ADGRL2: variants seen among roughly 807,000 people sequenced by gnomAD.
ADGRL2 encodes calcium-independent alpha-latrotoxin receptor 2.
A neutral mutation model predicts 157.4 loss-of-function variants in ADGRL2; 44 were observed. That is an observed-to-expected ratio of 0.28 (90% CI 0.22 to 0.36). The LOEUF (loss-of-function observed/expected upper bound fraction) is 0.36. ADGRL2 is among the 10% of genes least tolerant of loss of function. The pLI, the probability that ADGRL2 is intolerant of heterozygous loss-of-function variation, is 1.00. For synonymous variants in ADGRL2, 585 were observed against 624.7 expected (o/e 0.94, Z 0.95); for missense variants, 1,510 against 1,768.9 (o/e 0.85, Z 2.63).
intron 18 of ADGRL2, chr1:81,980,867 T>G: frequency 1.5e-6 from 1 of 651,596 alleles, no homozygotes. Context: ...ATTAACAAAT[T>G]TATGGCATGA....
intron 3 of ADGRL2, among the ~76,000 whole-genome samples, chr1:81,593,322 G>C (rs2081170332): frequency 6.6e-6 from 1 of 152,196 alleles, no homozygotes; most frequent in African/African-American, 2.4e-5. Context: ...AGCTGCTTCA[G>C]TTTCTATCCC....
At chr1:81,965,935 C>T (rs1656905769) in intron 11 of ADGRL2, 123 bp from the exon 12 acceptor site, 2 of 973,518 alleles carry the variant, frequency 2.1e-6, no homozygotes, top group South Asian at 2.2e-5. Context: ...TGAAACCTAA[C>T]AGTAAAATTT....
chr1:81,839,638 T>G (rs945626802), intron 2 of ADGRL2, among the ~76,000 whole-genome samples: 13 of 151,846 alleles, frequency 8.6e-5, no homozygotes, highest in African/African-American at 3.1e-4. Flanking sequence ...ATGTTTGGTT[T>G]TCTCTTCCTG....
chr1:81,422,873 C>T (rs1233167876), intron 1 of ADGRL2, among the ~76,000 whole-genome samples: 1 of 152,152 alleles, frequency 6.6e-6, no homozygotes, highest in Non-Finnish European at 1.5e-5. Context: ...TTGCTTTTGT[C>T]CCAAAACATA....
chr1:81,961,796 C>T (rs1277622958), intron 11 of ADGRL2, among the ~76,000 whole-genome samples: 1 of 152,116 alleles, frequency 6.6e-6, no homozygotes, highest in Non-Finnish European at 1.5e-5. Flanking sequence ...AGGCATGAGC[C>T]ACTGCACATG....
intron 2 of ADGRL2, among the ~76,000 whole-genome samples, chr1:81,468,462 G>T (rs2101851324): frequency 6.6e-6 from 1 of 152,264 alleles, no homozygotes; most frequent in South Asian, 2.1e-4. Flanking sequence ...CCCAACATTT[G>T]TCAGAATTTT....
chr1:81,372,661 G>C (rs763181370), intron 1 of ADGRL2, among the ~76,000 whole-genome samples: 14 of 152,152 alleles, frequency 9.2e-5, no homozygotes, highest in Non-Finnish European at 1.5e-4. Flanking sequence ...GTTAAAGTAC[G>C]AATTTTCTGT....
intron 1 of ADGRL2, among the ~76,000 whole-genome samples, chr1:81,341,636 T>C (rs1469099814): frequency 2.0e-5 from 3 of 152,138 alleles, no homozygotes; most frequent in Non-Finnish European, 4.4e-5. Context: ...CATTCTGATT[T>C]TTAAGCATTT....
At chr1:81,746,494 T>C (rs1461946826) in intron 1 of ADGRL2, among the ~76,000 whole-genome samples, 1 of 152,126 alleles carries the variant, frequency 6.6e-6, no homozygotes, top group African/African-American at 2.4e-5. Flanking sequence ...TTTACCATGT[T>C]GCCCAGGCTG....
chr1:81,876,089 T>A (rs1283323112), intron 2 of ADGRL2, among the ~76,000 whole-genome samples: 2 of 152,192 alleles, frequency 1.3e-5, no homozygotes, highest in Non-Finnish European at 2.9e-5. Flanking sequence ...TTACCAGAGT[T>A]ACCATATTTG....
chr1:81,502,472 A>T, intron 2 of ADGRL2: 1 of 1,614,028 alleles, frequency 6.2e-7, no homozygotes, highest in South Asian at 1.1e-5. Flanking sequence ...CTTTATGCAG[A>T]AGAGGCGGAC....
intron 1 of ADGRL2, among the ~76,000 whole-genome samples, chr1:81,832,070 A>G (rs1405370341): frequency 6.6e-6 from 1 of 152,172 alleles, no homozygotes; most frequent in Non-Finnish European, 1.5e-5. Context: ...CTTTTTCCCA[A>G]TTTGAGGTAA....
Position 81,333,608 on chromosome 1 carries a change from G to A in ADGRL2, c.-302+27099G>A, listed in dbSNP as rs150264340. Among the ~76,000 whole-genome samples, 1,103 of 151,886 alleles carry A rather than the reference G, an allele frequency of 7.3e-3. 13 individuals are homozygous for A. Among genetic ancestry groups the A allele is most frequent in the African/African-American group, 0.026 (1,057 of 41,406 alleles). Reference sequence around the variant, plus strand: ...TTTTTTGTATTTTTAGTAGAGACAGGTGTTTCACCATCTTGGCCAGGCTGG... The same window carrying A: ...TTTTTTGTATTTTTAGTAGAGACAGATGTTTCACCATCTTGGCCAGGCTGG... On this transcript the variant is annotated intron_variant, in intron 1 of 24. Coordinates refer to the ADGRL2 transcript ENST00000370721.
intron 2 of ADGRL2, among the ~76,000 whole-genome samples, chr1:81,905,462 C>T (rs537208722): frequency 1.3e-5 from 2 of 152,224 alleles, no homozygotes; most frequent in East Asian, 1.9e-4. Flanking sequence ...ATTATCAAAA[C>T]GGTAACACAC....
chr1:81,679,220 T>G (rs548318992), intron 3 of ADGRL2, among the ~76,000 whole-genome samples: 1 of 152,242 alleles, frequency 6.6e-6, no homozygotes, highest in African/African-American at 2.4e-5. Flanking sequence ...GAGGAGTCAG[T>G]GTTTCCATAA....
At chr1:81,741,673 T>A (rs1443423009) in intron 1 of ADGRL2, among the ~76,000 whole-genome samples, 1 of 152,004 alleles carries the variant, frequency 6.6e-6, no homozygotes, top group Non-Finnish European at 1.5e-5. Flanking sequence ...AGACAACTTT[T>A]AAATATTTCT....
In ADGRL2 at chr1:81,943,486, A is replaced by G. The variant is rs763104519; in HGVS notation, c.927A>G (p.Val309=). The G allele has an allele frequency of 5.0e-6, 8 of 1,613,716 alleles. No homozygotes were observed. The highest frequency in any genetic ancestry group is 4.4e-5 in the South Asian group (4 of 91,090). ...GATTTGAAGCAACGTGGGAGACTGT[A>G]TACGACAAACGTGCCGCATCAAATG... ...TLRFEATWET[V]YDKRAASNAF... is the part of the protein sequence containing the mutation. Residue 309 remains valine (V), a synonymous_variant, in exon 6 of 24, where the codon GTA becomes GTG. Coordinates refer to ENST00000686636, the MANE Select transcript of ADGRL2 (RefSeq NM_001366006.2). This position sits in a 1 kb window ranked among gnomAD's most constrained non-coding sequence, Gnocchi z 5.6.
chr1:81,443,150 G>C (rs2077539491), intron 1 of ADGRL2, among the ~76,000 whole-genome samples: 1 of 152,168 alleles, frequency 6.6e-6, no homozygotes, highest in African/African-American at 2.4e-5. Flanking sequence ...GTCAGGCATG[G>C]TGGCTCACAT....
chr1:81,812,788 T>G (rs1466552344), intron 1 of ADGRL2, among the ~76,000 whole-genome samples: 2 of 151,760 alleles, frequency 1.3e-5, no homozygotes, highest in African/African-American at 4.8e-5. Context: ...TGACTTTTAC[T>G]TGCAATAATG....
Sources: gnomAD v4.1 joint callset for allele counts (sites outside exome capture counted in the v4.1 genomes callset) on GRCh38, gnomAD v4.1.1 for gene constraint, Gnocchi (gnomAD v3.1) non-coding constraint, MANE v1.5 for transcripts, NCBI Gene and HGNC (gene_info 2026-07-23, HGNC 2026-07-21) for gene names.